Variants in PPP2R3A observed in about 807,000 individuals in gnomAD.
PPP2R3A encodes the protein protein phosphatase 2 regulatory subunit B''alpha.
PPP2R3A carries 80 observed loss-of-function variants against 106.9 expected under a neutral mutation model. The ratio of observed to expected loss-of-function variants is 0.75; its 90% confidence interval spans 0.62 to 0.90. PPP2R3A has a LOEUF of 0.90. PPP2R3A is among the 40% of genes least tolerant of loss of function. The probability of loss-of-function intolerance (pLI) is 0.00; values close to 1 mark genes in which losing one functional copy is unlikely to be tolerated. For synonymous variants in PPP2R3A, 483 were observed against 468.3 expected (o/e 1.03, Z -0.41); for missense variants, 1,386 against 1,350.4 (o/e 1.03, Z -0.41).
At chr3:136,051,818 T>G (rs1935696479) in intron 5 of PPP2R3A, among the ~76,000 whole-genome samples, 1 of 152,188 alleles carries the variant, frequency 6.6e-6, no homozygotes, top group Non-Finnish European at 1.5e-5. Flanking sequence ...CACCCAACAA[T>G]AACCACTACC....
chr3:136,054,345 G>A (rs554965440), intron 5 of PPP2R3A, among the ~76,000 whole-genome samples: 295 of 132,532 alleles, frequency 2.2e-3, no homozygotes, highest in African/African-American at 5.7e-3. Context: ...TGCAACCTCC[G>A]CCTCCCGGGT....
intron 13 of PPP2R3A, among the ~76,000 whole-genome samples, chr3:136,136,070 AAAATTATAT>A (rs1288925492): frequency 3.0e-4 from 8 of 26,784 alleles, no homozygotes; most frequent in Non-Finnish European, 9.6e-4. Flanking sequence ...AAAAAAAAAA[AAAATTATAT>A]ATATATATAT....
intron 2 of PPP2R3A, among the ~76,000 whole-genome samples, chr3:136,023,576 C>G (rs980248582): frequency 6.6e-6 from 1 of 152,042 alleles, no homozygotes; most frequent in African/African-American, 2.4e-5. Flanking sequence ...GTATTAAAAG[C>G]CTTGTTTGCA....
intron 3 of PPP2R3A, among the ~76,000 whole-genome samples, chr3:136,032,371 C>T (rs1934925538): frequency 6.6e-6 from 1 of 152,040 alleles, no homozygotes. Context: ...GATTCGTGTA[C>T]ATTAATTTTG....
intron 13 of PPP2R3A, among the ~76,000 whole-genome samples, chr3:136,120,300 G>A (rs1429810805): frequency 6.6e-6 from 1 of 152,042 alleles, no homozygotes; most frequent in Non-Finnish European, 1.5e-5. Context: ...TTAAAAAAAA[G>A]CCTCTGGTCG....
At chr3:136,139,471 G>C (rs1013541434) in intron 13 of PPP2R3A, among the ~76,000 whole-genome samples, 3 of 151,976 alleles carry the variant, frequency 2.0e-5, no homozygotes, top group Non-Finnish European at 4.4e-5. Flanking sequence ...CGAGGGGGGG[G>C]ATCATGAGGT....
intron 7 of PPP2R3A, among the ~76,000 whole-genome samples, chr3:136,080,402 T>C (rs1315857004): frequency 3.9e-5 from 6 of 152,234 alleles, no homozygotes; most frequent in Admixed American, 2.6e-4. Flanking sequence ...TCAAATAGTA[T>C]GTGCATTTTT....
chr3:136,090,754 C>A, intron 10 of PPP2R3A, 87 bp downstream of exon 10: 4 of 1,022,306 alleles, frequency 3.9e-6, no homozygotes, highest in Non-Finnish European at 5.9e-6. Context: ...CCTAGTGAGG[C>A]CAACTCAACG....
At chr3:136,078,492 T>G in intron 7 of PPP2R3A, 39 bp downstream of exon 7, 1 of 1,279,738 alleles carries the variant, frequency 7.8e-7, no homozygotes, top group South Asian at 1.3e-5. Context: ...ATGAGCAATT[T>G]AGATAATTTT....
intron 8 of PPP2R3A, among the ~76,000 whole-genome samples, chr3:136,087,243 G>GTCTCTCTCTCTC (rs1491461536): frequency 1.9e-4 from 14 of 75,118 alleles, no homozygotes; most frequent in Non-Finnish European, 3.5e-4. Flanking sequence ...GTCTCTAGTC[G>GTCTCTCTCTCTC]TGTCTCTCTC....
intron 13 of PPP2R3A, among the ~76,000 whole-genome samples, chr3:136,122,758 C>G (rs892041017): frequency 6.6e-6 from 1 of 151,948 alleles, no homozygotes; most frequent in African/African-American, 2.4e-5. Context: ...TTACAGTTAA[C>G]GAAAACTGAA....
At chr3:136,098,622 C>T (rs1937275904) in intron 10 of PPP2R3A, among the ~76,000 whole-genome samples, 2 of 152,128 alleles carry the variant, frequency 1.3e-5, no homozygotes, top group Admixed American at 1.3e-4. Context: ...AAACATTGTT[C>T]CCTATTACCA....
At chr3:136,007,799 G>A (rs746566759) in intron 2 of PPP2R3A, among the ~76,000 whole-genome samples, 1 of 152,170 alleles carries the variant, frequency 6.6e-6, no homozygotes, top group African/African-American at 2.4e-5. Flanking sequence ...CTTAGAAGTT[G>A]CCATCTTCCT....
At chr3:136,068,764 AGCAACTTTACAGTGGAGAAC>A (rs1394296505) in intron 5 of PPP2R3A, among the ~76,000 whole-genome samples, 25 of 150,764 alleles carry the variant, frequency 1.7e-4, no homozygotes, top group African/African-American at 6.2e-4. Flanking sequence ...AAGAGAAAAT[AGCAACTTTACAGTGGAGAAC>A]GCAGCAGACA....
chr3:136,037,616 G>T (rs994840876), intron 3 of PPP2R3A, among the ~76,000 whole-genome samples: 1 of 152,086 alleles, frequency 6.6e-6, no homozygotes, highest in East Asian at 1.9e-4. Flanking sequence ...TCTGTAAAAT[G>T]GGATTAAAAA....
At chr3:136,076,873 G>A (rs968365349) in intron 6 of PPP2R3A, among the ~76,000 whole-genome samples, 18 of 152,070 alleles carry the variant, frequency 1.2e-4, no homozygotes, top group Non-Finnish European at 2.2e-4. Context: ...CGTGAACCCG[G>A]GAGGTGGAGC....
chr3:136,020,017 A>G (rs1276360310), intron 2 of PPP2R3A, among the ~76,000 whole-genome samples: 1 of 152,190 alleles, frequency 6.6e-6, no homozygotes, highest in East Asian at 1.9e-4. Flanking sequence ...ACAGTAAGAA[A>G]GAGACCACAT....
intron 13 of PPP2R3A, among the ~76,000 whole-genome samples, chr3:136,117,096 C>A (rs1937795078): frequency 6.6e-6 from 1 of 152,162 alleles, no homozygotes; most frequent in Admixed American, 6.6e-5. Flanking sequence ...ACTCAAACCT[C>A]ACAACTACAT....
chr3:136,070,219 G>A (rs946611895), intron 5 of PPP2R3A, among the ~76,000 whole-genome samples: 24 of 152,056 alleles, frequency 1.6e-4, no homozygotes, highest in African/African-American at 4.3e-4. Context: ...TACATACCTC[G>A]GAGACATTTG....
Sources: gnomAD v4.1 joint callset for allele counts (sites outside exome capture counted in the v4.1 genomes callset) on GRCh38, gnomAD v4.1.1 for gene constraint, MANE v1.5 for transcripts, NCBI Gene and HGNC (gene_info 2026-07-23, HGNC 2026-07-21) for gene names.